The following ABHD2 variants were observed in gnomAD, a reference collection of about 807,000 sequenced individuals.
The protein encoded by ABHD2 is monoacylglycerol lipase ABHD2.
In ABHD2, 20 loss-of-function variants were observed where a neutral mutation model predicts 48.1. The observed-to-expected ratio is 0.42, with a 90% CI of 0.29 to 0.60. The LOEUF (loss-of-function observed/expected upper bound fraction) is 0.60, where lower values mean the gene tolerates loss of function less well. Among genes scored for constraint, ABHD2 ranks in the 20% least tolerant of loss-of-function variants. The pLI is 0.24. For missense variants in ABHD2, 405 were observed against 550.9 expected (o/e 0.74, Z 2.65); for synonymous variants, 209 against 214.2 (o/e 0.98, Z 0.21).
At chr15:89,041,420 T>A in the ABHD2 span, 1 of 152,208 alleles carries the variant, frequency 6.6e-6, no homozygotes, top group African/African-American at 2.4e-5. Context: ...TTATTATATA[T>A]TTGTAACAAT....
At chr15:89,081,398 A>T in the ABHD2 span, among the ~76,000 whole-genome samples, 1 of 151,982 alleles carries the variant, frequency 6.6e-6, no homozygotes, top group Non-Finnish European at 1.5e-5. Flanking sequence ...CCATCAATGG[A>T]CATTTGGGTT....
intron 9 of ABHD2, among the ~76,000 whole-genome samples, chr15:89,192,604 G>A (rs940552310): frequency 2.0e-5 from 3 of 151,860 alleles, no homozygotes; most frequent in African/African-American, 4.8e-5. Context: ...TGAAATCCTG[G>A]CCTCAAGTGA....
Position 89,196,910 on chromosome 15 carries a change from A to T in ABHD2, c.*1487A>T, listed in dbSNP as rs1361591323. The T allele has an allele frequency of 2.0e-5, 3 of 152,660 alleles. No homozygotes were observed. The highest frequency in any genetic ancestry group is 1.9e-4 in the East Asian group (1 of 5,196). 9.5% of individuals were successfully genotyped at this position (152,660 alleles called of 1,614,324 possible). A position where few individuals can be genotyped will look rare whatever the true frequency, so the allele number is the denominator to read the frequency against. ...CAAAAACCCTGCACTTTGAACAATC[A>T]GCTGTTGCTATCTGGAACTAAACAG... is the stretch of plus-strand genomic sequence containing the variant. On this transcript the variant is annotated 3_prime_UTR_variant, in exon 11 of 11. Transcript: ENST00000352732.
At chr15:89,115,295 C>G (rs561096239) in intron 2 of ABHD2, among the ~76,000 whole-genome samples, 1 of 151,814 alleles carries the variant, frequency 6.6e-6, no homozygotes, top group East Asian at 1.9e-4. Flanking sequence ...TTCTGCCGAG[C>G]AGCAAGGAAA....
chr15:89,165,361 A>G (rs2050822603), intron 5 of ABHD2, among the ~76,000 whole-genome samples: 1 of 152,214 alleles, frequency 6.6e-6, no homozygotes, highest in African/African-American at 2.4e-5. Context: ...TAAACTGGAA[A>G]ATACTAAATA....
At chr15:89,072,849 A>C in the ABHD2 span, among the ~76,000 whole-genome samples, 1 of 152,156 alleles carries the variant, frequency 6.6e-6, no homozygotes, top group Admixed American at 6.6e-5. Flanking sequence ...TAAAATACAA[A>C]ATGCTCAGCT....
chr15:89,188,491 C>A lies in ABHD2; in HGVS notation c.926+188C>A, dbSNP rs1173090593. Among the ~76,000 whole-genome samples the A allele has an allele frequency of 6.6e-6, 1 of 152,212 alleles. No homozygotes were observed. The highest frequency in any genetic ancestry group is 1.5e-5 in the Non-Finnish European group (1 of 68,046). Reference sequence around the variant, plus strand: ...ACAGGAACATTTAAATTTCTAGTTTCTCCTGGAAAATAGGAAAAGGATCCG... The same window carrying A: ...ACAGGAACATTTAAATTTCTAGTTTATCCTGGAAAATAGGAAAAGGATCCG... On this transcript the variant is annotated intron_variant, in intron 8 of 10. Transcript: ENST00000352732. This position sits in a 1 kb window ranked among gnomAD's most constrained non-coding sequence, Gnocchi z 4.1.
rs1222708404 is a variant in ABHD2, at chr15:89,120,021, A to G, written c.194+3500A>G. Among the ~76,000 whole-genome samples the G allele has an allele frequency of 6.6e-6, 1 of 152,208 alleles. No individual in the cohort carries two copies. The highest frequency in any genetic ancestry group is 2.4e-5 in the African/African-American group (1 of 41,462). On this transcript the variant is annotated intron_variant, in intron 3 of 10. Coordinates refer to ENST00000352732, the MANE Select transcript of ABHD2 (RefSeq NM_152924.5). The surrounding 1 kb of genome is among the most constrained non-coding windows in gnomAD (Gnocchi z 4.2). ...TTAGTCAGTAATCCTGACCGCGGGT[A>G]GCTGGTTATGATGACATGCGCGGAA...
chr15:89,144,514 A>G (rs1304541877), intron 3 of ABHD2, among the ~76,000 whole-genome samples: 3 of 152,260 alleles, frequency 2.0e-5, no homozygotes, highest in Non-Finnish European at 4.4e-5. Context: ...AGCCGTAAAA[A>G]GGAATGAATT....
In ABHD2 at chr15:89,200,209, A is replaced by C. The variant is rs1175492817; in HGVS notation, c.*4786A>C. ...TAAAAAGTAAATTTTAATGTCGAAA[A>C]TGCAAACTTGGGGAGGGCAGAAAGA... On this transcript the variant is annotated 3_prime_UTR_variant, in exon 11 of 11. Coordinates refer to ENST00000352732, the MANE Select transcript of ABHD2 (RefSeq NM_152924.5). The C allele has an allele frequency of 1.3e-5, 2 of 152,250 alleles. No individual in the cohort carries two copies. The highest frequency in any genetic ancestry group is 1.5e-5 in the Non-Finnish European group (1 of 68,050). The allele number at this position is 152,250 out of a possible 1,614,324, so 9.4% of individuals were successfully genotyped here.
Position 89,120,231 on chromosome 15 carries a change from A to C in ABHD2, c.194+3710A>C, listed in dbSNP as rs1357184589. Among the ~76,000 whole-genome samples the C allele has an allele frequency of 6.6e-6, 1 of 152,178 alleles. No individual in the cohort carries two copies. The highest frequency in any genetic ancestry group is 1.5e-5 in the Non-Finnish European group (1 of 68,026). On this transcript the variant is annotated intron_variant, in intron 3 of 10. Transcript: ENST00000352732. This position sits in a 1 kb window ranked among gnomAD's most constrained non-coding sequence, Gnocchi z 4.2. Reference sequence around the variant, plus strand: ...ATTAATCTTTTAATGTCTGGAGGAAAACTTTGCTTCAGTGGGATGTTATGT... The same window carrying C: ...ATTAATCTTTTAATGTCTGGAGGAACACTTTGCTTCAGTGGGATGTTATGT...
chr15:89,192,383 C>T (rs895343309), intron 9 of ABHD2, among the ~76,000 whole-genome samples: 17 of 152,210 alleles, frequency 1.1e-4, no homozygotes, highest in African/African-American at 4.1e-4. Context: ...AGTACCATCT[C>T]CACTAAAATG....
rs937436863 is a variant in ABHD2 at position 89,097,293 on chromosome 15, A to G, written c.-107+8730A>G. On this transcript the variant is annotated intron_variant, in intron 1 of 10. Coordinates refer to ENST00000352732, the MANE Select transcript of ABHD2 (RefSeq NM_152924.5). The surrounding 1 kb of genome is among the most constrained non-coding windows in gnomAD (Gnocchi z 4.2). The stretch of plus-strand genomic sequence containing the variant: ...TTTTGAAATAGATCCCAAACATCAT[A>G]TAGTTGCATCTGTAAATATTTCCAT... 6.6e-6 allele frequency among the ~76,000 whole-genome samples: 1 copy of G among 152,252 alleles called. No homozygotes were observed.
At chr15:89,191,972 T>C (rs1428632332) in intron 9 of ABHD2, among the ~76,000 whole-genome samples, 1 of 152,212 alleles carries the variant, frequency 6.6e-6, no homozygotes, top group African/African-American at 2.4e-5. Context: ...AATGCAACTT[T>C]TAGCAGCTAC....
At chr15:89,041,830 A>G in the ABHD2 span, among the ~76,000 whole-genome samples, 1 of 152,176 alleles carries the variant, frequency 6.6e-6, no homozygotes, top group African/African-American at 2.4e-5. Flanking sequence ...CAGCATTGCT[A>G]GGGGTCAGAT....
rs1002358603 is a variant in ABHD2 at position 89,104,982 on chromosome 15, A to T, written c.-106-8743A>T. Among the ~76,000 whole-genome samples the T allele has an allele frequency of 6.6e-6, 1 of 151,036 alleles. No homozygotes were observed. Among genetic ancestry groups the T allele is most frequent in the African/African-American group, 2.4e-5 (1 of 40,954 alleles). On this transcript the variant is annotated intron_variant, in intron 1 of 10. Transcript: ENST00000352732. This position sits in a 1 kb window ranked among gnomAD's most constrained non-coding sequence, Gnocchi z 4.4. Reference sequence around the variant, plus strand: ...GTAGATTTTTAAAAATATGTTTAGGATAAATCTCACAATTCATATGCCTGT... The same window carrying T: ...GTAGATTTTTAAAAATATGTTTAGGTTAAATCTCACAATTCATATGCCTGT...
rs1271778102 is a variant in ABHD2 at position 89,188,009 on chromosome 15, G to C, written c.816-184G>C. On this transcript the variant is annotated intron_variant, in intron 7 of 10. Coordinates refer to ENST00000352732, the MANE Select transcript of ABHD2 (RefSeq NM_152924.5). This position sits in a 1 kb window ranked among gnomAD's most constrained non-coding sequence, Gnocchi z 4.1. ...AGTTTGTCTGGGTACCCCTGAAAAGGGAAATAAGGTTTTGACATTAACAGC... is the reference window on the plus strand; with the variant it reads ...AGTTTGTCTGGGTACCCCTGAAAAGCGAAATAAGGTTTTGACATTAACAGC... Among the ~76,000 whole-genome samples, 1 of 152,214 alleles carries C rather than the reference G, an allele frequency of 6.6e-6. No individual in the cohort carries two copies. The highest frequency in any genetic ancestry group is 1.9e-4 in the East Asian group (1 of 5,198).
At chr15:89,128,058 C>A (rs78073607) in intron 3 of ABHD2, among the ~76,000 whole-genome samples, 5,469 of 152,176 alleles carry the variant, frequency 0.036, 330 homozygotes, top group African/African-American at 0.13. Flanking sequence ...CTTAAAAATT[C>A]TCTGTCTTCC....
At chr15:89,193,846 G>T (rs1297785485) in intron 10 of ABHD2, among the ~76,000 whole-genome samples, 1 of 151,330 alleles carries the variant, frequency 6.6e-6, no homozygotes, top group Non-Finnish European at 1.5e-5. Context: ...GCGTGAACCC[G>T]GGAGGCGGAG....
Sources: allele counts gnomAD v4.1 joint callset (sites outside exome capture counted in the v4.1 genomes callset), GRCh38; gene constraint gnomAD v4.1.1; non-coding constraint Gnocchi (gnomAD v3.1); transcripts MANE v1.5; gene names NCBI Gene and HGNC (gene_info 2026-07-23, HGNC 2026-07-21).